Variants in PLCH2 observed in about 807,000 individuals in gnomAD.
The protein encoded by PLCH2 is 1-phosphatidylinositol 4,5-bisphosphate phosphodiesterase eta-2.
A neutral mutation model predicts 134.7 loss-of-function variants in PLCH2; 98 were observed. The ratio of observed to expected loss-of-function variants is 0.73; its 90% CI spans 0.62 to 0.86. The LOEUF (loss-of-function observed/expected upper bound fraction) is 0.86, where lower values mean the gene tolerates loss of function less well. Ranked by LOEUF, PLCH2 falls within the 40% of genes least tolerant of loss-of-function variation. The pLI is 0.00. For synonymous variants in PLCH2, 974 were observed against 827.5 expected (o/e 1.18, Z -3.04); for missense variants, 1,994 against 1,986.6 (o/e 1.00, Z -0.07).
chr1:2,497,201 G>A (rs1023034472), intron 15 of PLCH2, among the ~76,000 whole-genome samples, 191 bp downstream of exon 15: 3 of 152,266 alleles, frequency 2.0e-5, no homozygotes, highest in African/African-American at 7.2e-5. Context: ...TAGCACTGGG[G>A]CAGGGTCCTT....
chr1:2,496,234 A>C (rs1252146872), intron 13 of PLCH2, among the ~76,000 whole-genome samples: 1 of 152,068 alleles, frequency 6.6e-6, no homozygotes, highest in African/African-American at 2.4e-5. Context: ...CCCGGCCGAC[A>C]CGGAGGCCCC....
At chr1:2,479,008 C>T (rs909649325) in intron 2 of PLCH2, 24 of 224,908 alleles carry the variant, frequency 1.1e-4, no homozygotes, top group African/African-American at 4.4e-4. Flanking sequence ...CTCAGGCAGC[C>T]ACTGGGCATG....
chr1:2,416,263 T>A, the PLCH2 span, among the ~76,000 whole-genome samples: 2 of 152,124 alleles, frequency 1.3e-5, no homozygotes, highest in Non-Finnish European at 2.9e-5. Flanking sequence ...GCGCTGGTGC[T>A]GCTTGAGGGG....
At chr1:2,455,021 G>A (rs968979334) in intron 2 of PLCH2, among the ~76,000 whole-genome samples, 2 of 152,148 alleles carry the variant, frequency 1.3e-5, no homozygotes, top group African/African-American at 2.4e-5. Flanking sequence ...GCGCCCAGCT[G>A]TGCTCTGACC....
At chr1:2,430,181 T>C (rs1362242802) in intron 1 of PLCH2, among the ~76,000 whole-genome samples, 1 of 152,188 alleles carries the variant, frequency 6.6e-6, no homozygotes, top group Non-Finnish European at 1.5e-5. Flanking sequence ...CCCACTGCGC[T>C]GGCCTATTTA....
At position 2,498,834 on chromosome 1, in the gene PLCH2, G is replaced by A. The variant is rs1453465512; in HGVS notation, c.2434+6G>A. 6.2e-7 allele frequency: 1 copy of A among 1,602,268 alleles called. No homozygotes were observed. Among genetic ancestry groups the A allele is most frequent in the Admixed American group, 1.7e-5 (1 of 59,566 alleles). On this transcript the variant is annotated splice_donor_region_variant and intron_variant, in intron 18 of 21. Transcript: ENST00000378486. The surrounding 1 kb of genome is among the most constrained non-coding windows in gnomAD (Gnocchi z 5.4). ...CCGCGTGGTGGACGACAACGGTGAG[G>A]CTGGGCCGTGGCTCCGTCACACCTG...
rs377565644 is a variant in PLCH2 at position 2,495,238 on chromosome 1, T to C, written c.1753-250T>C. Among the ~76,000 whole-genome samples the C allele has an allele frequency of 1.1e-3, 174 of 152,248 alleles. 2 individuals are homozygous for C. In the South Asian group the frequency reaches 0.015, roughly 13 times the overall value. ...GGAACAGGTGCCTGGCTGGCTCACATCCCTTCTCTGGCCCACGCTGGCCCT... is the reference window on the plus strand; with the variant it reads ...GGAACAGGTGCCTGGCTGGCTCACACCCCTTCTCTGGCCCACGCTGGCCCT... On this transcript the variant is annotated intron_variant, in intron 12 of 21. Coordinates refer to ENST00000378486, the MANE Select transcript of PLCH2 (RefSeq NM_014638.4).
intron 2 of PLCH2, among the ~76,000 whole-genome samples, chr1:2,437,381 G>A (rs1413835007): frequency 6.6e-6 from 1 of 152,094 alleles, no homozygotes; most frequent in African/African-American, 2.4e-5. Flanking sequence ...TGGCCAGCTG[G>A]ACAGCTCTGC....
chr1:2,489,214 G>T lies in PLCH2; in HGVS notation c.1243G>T (p.Val415Leu). 1 of 1,613,796 alleles carries T rather than the reference G, an allele frequency of 6.2e-7. No homozygotes were observed. Among genetic ancestry groups the T allele is most frequent in the South Asian group, 1.1e-5 (1 of 91,066 alleles). ...TCTGCCTTGGGGCCACAGGTACCCA[G>T]TGATCCTGTCCATCGAAAACCACTG... ...KYAFIKNEYP[V>L]ILSIENHCSV... The change falls in exon 9 of 22, where the codon GTG becomes TTG. Residue 415 changes from valine (V) to leucine (L), a missense_variant. Around this residue, in one of 2 missense-constraint regions of PLCH2, gnomAD observed 1,094 missense variants for 1,234.3 expected, o/e 0.89. Transcript: ENST00000378486.
chr1:2,485,091 G>A lies in PLCH2; in HGVS notation c.816+473G>A, dbSNP rs145272494. ...CTCGCTCCCCTAGGGTGCCAGGCCCGCCACAATATCCACTCACCTGTTTGT... is the reference window on the plus strand; with the variant it reads ...CTCGCTCCCCTAGGGTGCCAGGCCCACCACAATATCCACTCACCTGTTTGT... On this transcript the variant is annotated intron_variant, in intron 5 of 21. Coordinates refer to ENST00000378486, the MANE Select transcript of PLCH2 (RefSeq NM_014638.4). Among the ~76,000 whole-genome samples, 476 of 152,234 alleles carry A rather than the reference G, an allele frequency of 3.1e-3. 1 individual carries two copies. The highest frequency in any genetic ancestry group is 0.011 in the African/African-American group (466 of 41,540).
chr1:2,420,908 C>T, the PLCH2 span, among the ~76,000 whole-genome samples: 602 of 151,382 alleles, frequency 4.0e-3, 2 homozygotes, highest in African/African-American at 0.014. Flanking sequence ...GTATTTTAAT[C>T]ACTATTAGTG....
chr1:2,489,399 C>G (rs772746878), intron 9 of PLCH2, 21 bp downstream of exon 9: 1 of 1,611,614 alleles, frequency 6.2e-7, no homozygotes, highest in South Asian at 1.1e-5. Context: ...CCCTGCCCTC[C>G]TGGGACCAGC....
At position 2,505,110 on chromosome 1, in the gene PLCH2, G is replaced by C. The variant is rs1643474189; in HGVS notation, c.4148G>C (p.Cys1383Ser). 6.5e-7 allele frequency: 1 copy of C among 1,545,130 alleles called. No individual in the cohort carries two copies. The change falls in exon 22 of 22, where the codon TGC becomes TCC. Residue 1383 changes from cysteine to serine, a missense_variant. Physicochemically the swap from Cys to Ser is moderately radical, Grantham distance 112. Transcript: ENST00000378486. ...GAGCGGGGCACCCCCGAGGGCGCCTGCTCCGTGGGCCACGAGGGCAGTGTG... is the reference window on the plus strand; with the variant it reads ...GAGCGGGGCACCCCCGAGGGCGCCTCCTCCGTGGGCCACGAGGGCAGTGTG... ...EEERGTPEGA[C>S]SVGHEGSVDA...
rs563894059 is a variant in PLCH2 at position 2,502,305 on chromosome 1, G to A, written c.2855G>A (p.Arg952Gln). 27 of 1,535,996 alleles carry A rather than the reference G, an allele frequency of 1.8e-5. No individual in the cohort carries two copies. The East Asian group carries it at 2.0e-4, about 11-fold the overall frequency. The change falls in exon 21 of 22, where the codon CGG (arginine) becomes CAG (glutamine). Residue 952 changes from arginine (R) to glutamine (Q), a missense_variant. Arg to Gln is a conservative substitution (Grantham distance 43). Transcript: ENST00000378486. The stretch of plus-strand genomic sequence containing the variant: ...TTCCCGGAGCTGGTCCTGGGTACAC[G>A]GGACACAGGCTCCAAGGGGGTGGCA... The part of the protein sequence containing the change: ...RGFPELVLGT[R>Q]DTGSKGVADD...
At chr1:2,442,330 C>T (rs1639729451) in intron 2 of PLCH2, among the ~76,000 whole-genome samples, 1 of 152,200 alleles carries the variant, frequency 6.6e-6, no homozygotes. Flanking sequence ...GTCTCCTCTT[C>T]AGCCACTACG....
intron 4 of PLCH2, among the ~76,000 whole-genome samples, chr1:2,483,606 G>C (rs541270302): frequency 6.6e-6 from 1 of 152,122 alleles, no homozygotes; most frequent in Non-Finnish European, 1.5e-5. Flanking sequence ...CCATACCCTT[G>C]TGAGGCAAAG....
At chr1:2,438,235 C>T (rs571842589) in intron 2 of PLCH2, among the ~76,000 whole-genome samples, 12 of 152,368 alleles carry the variant, frequency 7.9e-5, no homozygotes, top group East Asian at 1.9e-4. Flanking sequence ...TGTGTGCTGG[C>T]GCCCGGCCCT....
intron 12 of PLCH2, among the ~76,000 whole-genome samples, chr1:2,495,159 C>A (rs16825139): frequency 1.3e-5 from 2 of 152,228 alleles, no homozygotes; most frequent in Non-Finnish European, 2.9e-5. Context: ...TCAGGCCGAG[C>A]TATCGGTTGC....
Position 2,476,486 on chromosome 1 carries a change from C to A in PLCH2, c.-103C>A. 8.9e-7 allele frequency: 1 copy of A among 1,125,046 alleles called. No homozygotes were observed. Among genetic ancestry groups the A allele is most frequent in the Non-Finnish European group, 1.2e-6 (1 of 822,370 alleles). The allele number at this position is 1,125,046 out of a possible 1,614,324, so 69.7% of individuals were successfully genotyped here. On this transcript the variant is annotated 5_prime_UTR_variant, in exon 1 of 22. Coordinates refer to ENST00000378486, the MANE Select transcript of PLCH2 (RefSeq NM_014638.4). ...GGAAGAGGCAGAGGAGAGAAGGCCC[C>A]ACGGAGGTCCTGTCGCCAGCGCTGC... is the stretch of plus-strand genomic sequence containing the variant.
Sources: gnomAD v4.1 joint callset for allele counts (sites outside exome capture counted in the v4.1 genomes callset) on GRCh38, gnomAD v4.1.1 for gene constraint, gnomAD v4.1.1 regional missense constraint, Gnocchi (gnomAD v3.1) non-coding constraint, MANE v1.5 for transcripts, NCBI Gene and HGNC (gene_info 2026-07-23, HGNC 2026-07-21) for gene names.